Variants in IGSF11 observed in about 807,000 individuals in gnomAD.
IGSF11 encodes the protein immunoglobulin superfamily member 11, also known as CXADR like 1.
IGSF11 carries 22 observed loss-of-function variants against 41.0 expected under a neutral mutation model. The observed-to-expected ratio is 0.54, with a 90% CI of 0.38 to 0.77. The LOEUF is 0.77. Among genes scored for constraint, IGSF11 ranks in the 30% least tolerant of loss-of-function variants. The pLI, the probability that IGSF11 is intolerant of heterozygous loss-of-function variation, is 0.00. For missense variants in IGSF11, 444 were observed against 530.8 expected (o/e 0.84, Z 1.61); for synonymous variants, 219 against 201.3 (o/e 1.09, Z -0.74).
At chr3:118,949,140 C>CAAGAGGCACCA in intron 1 of IGSF11, 1 of 152,082 alleles carries the variant, frequency 6.6e-6, no homozygotes, top group East Asian at 1.9e-4. Flanking sequence ...ACAAAGGGCA[C>CAAGAGGCACCA]AAGAGGCACC....
chr3:119,017,918 G>A (rs1938906202), intron 1 of IGSF11, among the ~76,000 whole-genome samples: 1 of 151,488 alleles, frequency 6.6e-6, no homozygotes, highest in East Asian at 1.9e-4. Flanking sequence ...TAGTACCTGG[G>A]ATTACAGGTA....
intron 1 of IGSF11, among the ~76,000 whole-genome samples, chr3:119,054,471 C>T (rs1941742658): frequency 6.6e-6 from 1 of 152,122 alleles, no homozygotes; most frequent in African/African-American, 2.4e-5. Flanking sequence ...CAAGTCAAAA[C>T]CACAATGTGA....
intron 4 of IGSF11, among the ~76,000 whole-genome samples, chr3:118,906,846 G>A (rs1221359868): frequency 2.0e-5 from 3 of 152,078 alleles, no homozygotes; most frequent in Non-Finnish European, 4.4e-5. Flanking sequence ...TTACCCTGAG[G>A]TATTTTTATT....
chr3:119,047,467 C>A (rs1035605143), intron 1 of IGSF11, among the ~76,000 whole-genome samples: 1 of 152,124 alleles, frequency 6.6e-6, no homozygotes, highest in African/African-American at 2.4e-5. Context: ...TATATATGCA[C>A]CCAATACAGG....
At chr3:119,037,774 TAGG>T (rs978067841), upstream of IGSF11, among the ~76,000 whole-genome samples, 6 of 152,196 alleles carry the variant, frequency 3.9e-5, no homozygotes, top group Admixed American at 2.0e-4. Flanking sequence ...ATTATTAGCT[TAGG>T]AGGAACATAA....
intron 1 of IGSF11, among the ~76,000 whole-genome samples, chr3:119,049,028 C>G (rs1265115126): frequency 2.0e-5 from 3 of 151,146 alleles, no homozygotes; most frequent in Admixed American, 1.3e-4. Context: ...ATGACAAACC[C>G]ACAGCCAATA....
At chr3:119,052,484 A>G (rs1322331627) in intron 1 of IGSF11, among the ~76,000 whole-genome samples, 1 of 90,474 alleles carries the variant, frequency 1.1e-5, no homozygotes, top group African/African-American at 4.3e-5. Context: ...GGAGGAAGAG[A>G]GGGAGGGAGG....
intron 1 of IGSF11, among the ~76,000 whole-genome samples, chr3:118,951,396 T>G (rs1423066749): frequency 6.6e-6 from 1 of 152,186 alleles, no homozygotes; most frequent in East Asian, 1.9e-4. Context: ...AGTTGGCCAC[T>G]GTATCTTAAC....
In IGSF11 at chr3:119,009,456, T is replaced by C. The variant is rs1937832518; in HGVS notation, c.52+25075A>G. On this transcript the variant is annotated intron_variant, in intron 1 of 6. Coordinates refer to ENST00000393775, the MANE Select transcript of IGSF11 (RefSeq NM_001015887.3). Reference sequence around the variant, plus strand: ...CCATGCTGTTCTCATAGTGAGGGAGTTCTCATGAGATCTGATAGTTTTAAA... The same window carrying C: ...CCATGCTGTTCTCATAGTGAGGGAGCTCTCATGAGATCTGATAGTTTTAAA... 1.3e-5 allele frequency among the ~76,000 whole-genome samples: 2 copies of C among 151,916 alleles called. 1 individual carries two copies. Among genetic ancestry groups the C allele is most frequent in the Admixed American group, 1.3e-4 (2 of 15,222 alleles).
At chr3:118,992,255 A>T (rs1441044113) in intron 1 of IGSF11, among the ~76,000 whole-genome samples, 1 of 152,188 alleles carries the variant, frequency 6.6e-6, no homozygotes, top group Non-Finnish European at 1.5e-5. Context: ...ATTTTGAAAA[A>T]CTCACGTAGC....
chr3:118,962,514 T>C (rs1438069532), intron 1 of IGSF11, among the ~76,000 whole-genome samples: 1 of 152,118 alleles, frequency 6.6e-6, no homozygotes, highest in Non-Finnish European at 1.5e-5. Context: ...GACCATTTAA[T>C]AAAATGGAAA....
intron 1 of IGSF11, among the ~76,000 whole-genome samples, chr3:119,014,209 G>A (rs1230227848): frequency 6.6e-6 from 1 of 152,110 alleles, no homozygotes. Context: ...TCTGTTTGAC[G>A]TTCACTCCAG....
intron 1 of IGSF11, among the ~76,000 whole-genome samples, chr3:119,089,768 T>C (rs2076733208): frequency 6.6e-6 from 1 of 152,208 alleles, no homozygotes; most frequent in African/African-American, 2.4e-5. Flanking sequence ...CTCACACCTG[T>C]AATCTCAGCA....
chr3:118,929,471 C>G (rs766328939), intron 2 of IGSF11, among the ~76,000 whole-genome samples: 2 of 152,118 alleles, frequency 1.3e-5, no homozygotes, highest in African/African-American at 4.8e-5. Context: ...AATAATCTTA[C>G]TGAAGGAGAA....
chr3:119,140,134 T>C (rs1045388578), intron 1 of IGSF11, among the ~76,000 whole-genome samples: 1 of 151,988 alleles, frequency 6.6e-6, no homozygotes, highest in African/African-American at 2.4e-5. Flanking sequence ...AAATAAAACA[T>C]GTATATCCTA....
chr3:118,935,992 C>CTGTAAATGTGTGAA (rs1943242407), intron 1 of IGSF11, among the ~76,000 whole-genome samples: 1 of 151,986 alleles, frequency 6.6e-6, no homozygotes, highest in African/African-American at 2.4e-5. Context: ...CATGGTTCCT[C>CTGTAAATGTGTGAA]TTTAGTATAT....
intron 1 of IGSF11, among the ~76,000 whole-genome samples, chr3:119,045,452 C>T (rs577900569): frequency 2.6e-5 from 4 of 152,338 alleles, no homozygotes; most frequent in South Asian, 2.1e-4. Flanking sequence ...TAAAAAACGG[C>T]GCACCATGAG....
At chr3:119,034,483 GCCGACCCGGC>G in intron 1 of IGSF11, 38 bp downstream of exon 1, 1 of 1,460,432 alleles carries the variant, frequency 6.8e-7, no homozygotes, top group Non-Finnish European at 9.1e-7. Context: ...CCCCGGGCCC[GCCGACCCGGC>G]CTGGCCCCAC....
chr3:118,927,567 G>T lies in IGSF11; in HGVS notation c.424+942C>A, dbSNP rs970453522. ...GGGAGAAAAAGGCACCAAAGGCCGA[G>T]GGAAAATGACAAGAATTCCCAACAC... On this transcript the variant is annotated intron_variant, in intron 3 of 6. Coordinates refer to ENST00000393775, the MANE Select transcript of IGSF11 (RefSeq NM_001015887.3). Among the ~76,000 whole-genome samples, 24 of 152,228 alleles carry T rather than the reference G, an allele frequency of 1.6e-4. No individual in the cohort carries two copies. In the East Asian group the frequency reaches 4.1e-3, roughly 26 times the overall value.
Sources: allele counts gnomAD v4.1 joint callset (sites outside exome capture counted in the v4.1 genomes callset), GRCh38; gene constraint gnomAD v4.1.1; transcripts MANE v1.5; gene names NCBI Gene and HGNC (gene_info 2026-07-23, HGNC 2026-07-21).